The following SORCS3 variants were observed in gnomAD, a reference collection of about 807,000 sequenced individuals.
SORCS3 encodes sortilin related VPS10 domain containing receptor 3.
A neutral mutation model predicts 146.3 loss-of-function variants in SORCS3; 57 were observed. The ratio of observed to expected loss-of-function variants is 0.39; its 90% CI spans 0.31 to 0.49. The LOEUF (loss-of-function observed/expected upper bound fraction) is 0.49. Among genes scored for constraint, SORCS3 ranks in the 20% least tolerant of loss-of-function variants. SORCS3 has a pLI of 0.92. For synonymous variants in SORCS3, 653 were observed against 618.5 expected, an observed-to-expected ratio of 1.06 and a Z score of -0.83; for missense variants, 1,341 against 1,575.5, an observed-to-expected ratio of 0.85 and a Z score of 2.52.
chr10:105,010,334 A>G (rs1223450763), intron 4 of SORCS3, among the ~76,000 whole-genome samples: 3 of 152,216 alleles, frequency 2.0e-5, no homozygotes, highest in Non-Finnish European at 4.4e-5. Flanking sequence ...TTCTGGTTCT[A>G]TGTTTCTGCT....
intron 1 of SORCS3, among the ~76,000 whole-genome samples, chr10:104,688,550 G>T (rs1021284291): frequency 1.3e-5 from 2 of 152,258 alleles, no homozygotes; most frequent in Non-Finnish European, 2.9e-5. Flanking sequence ...GAAAGAAGCA[G>T]CCTGCGGAGC....
At chr10:104,754,602 T>C (rs2017026442) in intron 1 of SORCS3, among the ~76,000 whole-genome samples, 1 of 151,974 alleles carries the variant, frequency 6.6e-6, no homozygotes, top group Non-Finnish European at 1.5e-5. Flanking sequence ...GAAAGATAGA[T>C]AAGCTTCCCT....
intron 13 of SORCS3, among the ~76,000 whole-genome samples, chr10:105,168,222 T>C (rs1294605689): frequency 6.6e-6 from 1 of 152,054 alleles, no homozygotes; most frequent in African/African-American, 2.4e-5. Flanking sequence ...TGAAATGAAA[T>C]AGAGACAGTA....
intron 1 of SORCS3, among the ~76,000 whole-genome samples, chr10:104,695,352 G>C (rs2016162229): frequency 6.6e-6 from 1 of 151,570 alleles, no homozygotes; most frequent in African/African-American, 2.4e-5. Context: ...TGGGGGGTTA[G>C]GAAACTTAGT....
chr10:104,978,755 A>G lies in SORCS3; in HGVS notation c.954+1262A>G, dbSNP rs554140979. Among the ~76,000 whole-genome samples, 22 of 152,306 alleles carry G rather than the reference A, an allele frequency of 1.4e-4. 1 individual carries two copies. In the South Asian group the frequency reaches 4.4e-3, roughly 30 times the overall value. On this transcript the variant is annotated intron_variant, in intron 4 of 26. Transcript: ENST00000369701. ...AACGATTGCTAGAGTCTCTTCCAGT[A>G]TGTTAATACTACAACCTGAAAAAAT...
At chr10:104,852,590 G>A (rs1408780826) in intron 2 of SORCS3, among the ~76,000 whole-genome samples, 1 of 152,136 alleles carries the variant, frequency 6.6e-6, no homozygotes, top group African/African-American at 2.4e-5. Flanking sequence ...ATTCTGATGT[G>A]CCACTGATCC....
At position 105,214,531 on chromosome 10, in the gene SORCS3, G is replaced by A. The variant is rs200349923; in HGVS notation, c.2465G>A (p.Arg822Gln). The change falls in exon 18 of 27, where the codon CGG becomes CAG. Residue 822 changes from arginine to glutamine, a missense_variant. By Grantham distance (43) the Arg-to-Gln change is conservative. Transcript: ENST00000369701. ...KAQMCPGKAP[R>Q]GLHVVTTDGR... Reference sequence around the variant, plus strand: ...CAGATGTGCCCTGGAAAAGCCCCTCGGGGCCTCCATGTGGTGACGACCGAT... The same window carrying A: ...CAGATGTGCCCTGGAAAAGCCCCTCAGGGCCTCCATGTGGTGACGACCGAT... 29 of 1,613,592 alleles carry A rather than the reference G, an allele frequency of 1.8e-5. No homozygotes were observed. The highest frequency in any genetic ancestry group is 8.8e-5 in the South Asian group (8 of 91,042).
rs763094545 is a variant in SORCS3, at chr10:105,252,745, C to T, written c.3106-30C>T. The stretch of plus-strand genomic sequence containing the variant: ...GATTTGGGGAGGGCTGGCTCCTCCA[C>T]AGCCTCTCTTTGTCTGAACATCTTT... On this transcript the variant is annotated intron_variant, in intron 22 of 26. Transcript: ENST00000369701. 3 of 1,613,406 alleles carry T rather than the reference C, an allele frequency of 1.9e-6. No homozygotes were observed. In the South Asian group the frequency reaches 3.3e-5, roughly 18 times the overall value.
At chr10:105,182,428 T>C in intron 14 of SORCS3, among the ~76,000 whole-genome samples, 1 of 151,902 alleles carries the variant, frequency 6.6e-6, no homozygotes, top group East Asian at 1.9e-4. Flanking sequence ...AGCTCCAGGC[T>C]TGAAGGTAAA....
intron 18 of SORCS3, among the ~76,000 whole-genome samples, chr10:105,214,935 A>C (rs2056656449): frequency 6.6e-6 from 1 of 152,156 alleles, no homozygotes; most frequent in African/African-American, 2.4e-5. Flanking sequence ...ATAAACTGTA[A>C]ACTTGGCCAG....
chr10:104,714,157 T>G (rs1246456578), intron 1 of SORCS3, among the ~76,000 whole-genome samples: 4 of 152,140 alleles, frequency 2.6e-5, no homozygotes, highest in Non-Finnish European at 4.4e-5. Context: ...CCTGGTTATC[T>G]TCATGAGATA....
intron 2 of SORCS3, among the ~76,000 whole-genome samples, chr10:104,877,769 T>C (rs2018591573): frequency 6.6e-6 from 1 of 152,140 alleles, no homozygotes; most frequent in African/African-American, 2.4e-5. Context: ...AGATACCACA[T>C]AGAGTATTTC....
intron 1 of SORCS3, among the ~76,000 whole-genome samples, chr10:104,695,728 T>C (rs139216929): frequency 0.023 from 3,458 of 151,708 alleles, 51 homozygotes; most frequent in Middle Eastern, 0.089. Flanking sequence ...GTAATTTGCT[T>C]TTTTTTCCAC....
rs570079197 is a variant in SORCS3 at position 104,746,337 on chromosome 10, C to T, written c.628-96455C>T. Among the ~76,000 whole-genome samples the T allele has an allele frequency of 1.5e-3, 228 of 152,054 alleles. 6 individuals carry two copies. The East Asian group carries it at 0.039, about 26-fold the overall frequency. On this transcript the variant is annotated intron_variant, in intron 1 of 26. Coordinates refer to ENST00000369701, the MANE Select transcript of SORCS3 (RefSeq NM_014978.3). ...ATTTTTAGTAGAGACGGGGTTTCACCATGTTAGCCAGGATGGTCTCGATCT... is the reference window on the plus strand; with the variant it reads ...ATTTTTAGTAGAGACGGGGTTTCACTATGTTAGCCAGGATGGTCTCGATCT...
At chr10:104,691,286 G>C (rs1468506791) in intron 1 of SORCS3, among the ~76,000 whole-genome samples, 1 of 152,200 alleles carries the variant, frequency 6.6e-6, no homozygotes, top group African/African-American at 2.4e-5. Flanking sequence ...ATGGGGGTGA[G>C]GGTGGGAGGA....
At chr10:104,757,832 C>T (rs988263257) in intron 1 of SORCS3, among the ~76,000 whole-genome samples, 2 of 146,774 alleles carry the variant, frequency 1.4e-5, no homozygotes, top group Non-Finnish European at 3.0e-5. Flanking sequence ...GCTTGATTCT[C>T]TACTTGCGGT....
At chr10:105,250,910 C>T (rs548540293) in intron 22 of SORCS3, among the ~76,000 whole-genome samples, 6 of 152,236 alleles carry the variant, frequency 3.9e-5, no homozygotes, top group East Asian at 3.9e-4. Context: ...AACTCCAATC[C>T]GTAAGCCTAA....
At chr10:105,013,099 A>C (rs1017913044) in intron 4 of SORCS3, among the ~76,000 whole-genome samples, 5 of 152,158 alleles carry the variant, frequency 3.3e-5, no homozygotes, top group Admixed American at 1.3e-4. Context: ...AGGTTTAAGG[A>C]GAAAAACTAC....
At chr10:105,050,125 C>T (rs1446568706) in intron 5 of SORCS3, among the ~76,000 whole-genome samples, 3 of 151,988 alleles carry the variant, frequency 2.0e-5, no homozygotes, top group Admixed American at 1.3e-4. Flanking sequence ...TGTATATTCC[C>T]ACCTGTAACA....
Sources: gnomAD v4.1 joint callset for allele counts (sites outside exome capture counted in the v4.1 genomes callset) on GRCh38, gnomAD v4.1.1 for gene constraint, MANE v1.5 for transcripts, NCBI Gene and HGNC (gene_info 2026-07-23, HGNC 2026-07-21) for gene names.